MACROD1: variants seen among roughly 807,000 people sequenced by gnomAD.
The protein encoded by MACROD1 is ADP-ribose glycohydrolase MACROD1.
MACROD1 carries 31 observed loss-of-function variants against 41.4 expected under a neutral mutation model. That is an observed-to-expected ratio of 0.75 (90% CI 0.56 to 1.01). The LOEUF (loss-of-function observed/expected upper bound fraction) is 1.01. Among genes scored for constraint, MACROD1 ranks in the 50% least tolerant of loss-of-function variants. The probability of loss-of-function intolerance (pLI) is 0.00; values close to 1 mark genes in which losing one functional copy is unlikely to be tolerated. For synonymous variants in MACROD1, 252 were observed against 203.4 expected (o/e 1.24, Z -2.03); for missense variants, 473 against 460.0 (o/e 1.03, Z -0.26).
At chr11:64,101,535 C>T (rs1214296607) in intron 3 of MACROD1, among the ~76,000 whole-genome samples, 1 of 152,194 alleles carries the variant, frequency 6.6e-6, no homozygotes, top group East Asian at 1.9e-4. Flanking sequence ...CCCTGCCCCA[C>T]CCCCATCGGT....
At chr11:64,118,477 T>A (rs1052534731) in intron 3 of MACROD1, 7 of 570,202 alleles carry the variant, frequency 1.2e-5, no homozygotes, top group African/African-American at 5.6e-5. Flanking sequence ...CAATTTTTTT[T>A]AAAAGAATAG....
chr11:64,051,786 T>C (rs766627767), intron 3 of MACROD1, among the ~76,000 whole-genome samples: 7 of 152,074 alleles, frequency 4.6e-5, no homozygotes, highest in Admixed American at 1.3e-4. Flanking sequence ...AGGGTGCCCA[T>C]TGCCCATGGC....
chr11:64,132,532 G>A (rs571086221), intron 3 of MACROD1, among the ~76,000 whole-genome samples: 1 of 152,172 alleles, frequency 6.6e-6, no homozygotes, highest in Non-Finnish European at 1.5e-5. Context: ...GGACGGGCGG[G>A]TCCTGAGCAG....
chr11:64,034,532 T>G (rs961987437), intron 3 of MACROD1, among the ~76,000 whole-genome samples: 1 of 152,074 alleles, frequency 6.6e-6, no homozygotes, highest in Non-Finnish European at 1.5e-5. Flanking sequence ...GACAGGCGCA[T>G]GCAGAGCGCA....
intron 2 of MACROD1, 107 bp from the exon 3 acceptor site, chr11:64,151,462 C>A: frequency 1.3e-6 from 1 of 754,020 alleles, no homozygotes; most frequent in Non-Finnish European, 2.3e-6. Context: ...CCTCCACCTC[C>A]AGGGGCAGCC....
intron 3 of MACROD1, among the ~76,000 whole-genome samples, chr11:64,080,397 C>T (rs996370078): frequency 6.6e-6 from 1 of 152,196 alleles, no homozygotes; most frequent in African/African-American, 2.4e-5. Context: ...ACCCCTTCAA[C>T]GTGTAGAATT....
chr11:64,031,449 A>AGCCTGCCT (rs72360895), intron 3 of MACROD1, among the ~76,000 whole-genome samples: 210 of 143,976 alleles, frequency 1.5e-3, no homozygotes, highest in African/African-American at 4.8e-3. Flanking sequence ...AAGCTGCTGG[A>AGCCTGCCT]GCCTGCCTGC....
chr11:64,000,820 C>T (rs1225620231), intron 4 of MACROD1, among the ~76,000 whole-genome samples: 2 of 152,088 alleles, frequency 1.3e-5, no homozygotes, highest in Non-Finnish European at 2.9e-5. Context: ...GCCCACCTCC[C>T]CAGGCGGCGC....
chr11:64,125,495 C>G (rs1313422136), intron 3 of MACROD1, among the ~76,000 whole-genome samples: 2 of 152,228 alleles, frequency 1.3e-5, no homozygotes, highest in Non-Finnish European at 2.9e-5. Flanking sequence ...CAGTTGCCAT[C>G]TGCCCACTCA....
intron 3 of MACROD1, among the ~76,000 whole-genome samples, chr11:64,098,855 T>A (rs2134549784): frequency 6.6e-6 from 1 of 152,178 alleles, no homozygotes; most frequent in South Asian, 2.1e-4. Context: ...CCCACCTGGG[T>A]TTCTAGCAGC....
chr11:64,164,318 T>C (rs1450569702), intron 1 of MACROD1, among the ~76,000 whole-genome samples: 1 of 152,258 alleles, frequency 6.6e-6, no homozygotes, highest in Non-Finnish European at 1.5e-5. Context: ...GTCCGGTTGC[T>C]TTCCTGGCAC....
chr11:64,151,327 C>A lies in MACROD1; in HGVS notation c.429G>T (p.Arg143Ser). ...KGVAVKVEEP[R>S]YKKDKQLNEK... Reference sequence around the variant, plus strand: ...CATTGAGCTGCTTGTCCTTTTTATACCTGGGCTCCTCCACCTTCACAGCCA... The same window carrying A: ...CATTGAGCTGCTTGTCCTTTTTATAACTGGGCTCCTCCACCTTCACAGCCA... The change falls in exon 3 of 11, where the codon AGG becomes AGT. Residue 143 changes from arginine (R) to serine (S), a missense_variant. Physicochemically the swap from Arg to Ser is moderately radical, Grantham distance 110. Coordinates refer to ENST00000255681, the MANE Select transcript of MACROD1 (RefSeq NM_014067.4). 6.2e-7 allele frequency: 1 copy of A among 1,613,812 alleles called. No individual in the cohort carries two copies. Among genetic ancestry groups the A allele is most frequent in the Non-Finnish European group, 8.5e-7 (1 of 1,179,990 alleles).
intron 1 of MACROD1, among the ~76,000 whole-genome samples, chr11:64,158,663 C>T (rs1389643515): frequency 6.6e-6 from 1 of 152,188 alleles, no homozygotes; most frequent in Non-Finnish European, 1.5e-5. Context: ...CCACATCTGA[C>T]AACAATGTCC....
intron 3 of MACROD1, among the ~76,000 whole-genome samples, chr11:64,094,448 C>G (rs986411728): frequency 6.8e-6 from 1 of 147,992 alleles, no homozygotes; most frequent in African/African-American, 2.4e-5. Flanking sequence ...AAAAAAAATC[C>G]CAAAAAACAA....
rs1279972577 is a variant in MACROD1, at chr11:64,116,205, T to C, written c.517+35034A>G. ...CGCCTCCCTCTCACTGCCCCTGTCC[T>C]GTGCTCCTTGCAGGTATTCAGGCTC... is the stretch of plus-strand genomic sequence containing the variant. On this transcript the variant is annotated intron_variant, in intron 3 of 10. Coordinates refer to ENST00000255681, the MANE Select transcript of MACROD1 (RefSeq NM_014067.4). 12 of 1,547,462 alleles carry C rather than the reference T, an allele frequency of 7.8e-6. No homozygotes were observed. In the African/African-American group the frequency reaches 1.6e-4, roughly 21 times the overall value.
intron 1 of MACROD1, 96 bp downstream of exon 1, chr11:64,165,601 G>A (rs1945827984): frequency 4.4e-6 from 5 of 1,140,742 alleles, no homozygotes; most frequent in Non-Finnish European, 5.8e-6. Context: ...CAGGTCTCTC[G>A]GGTGGAAGGG....
Position 64,000,334 on chromosome 11 carries a change from C to A in MACROD1, c.557G>T (p.Cys186Phe). The A allele has an allele frequency of 6.3e-7, 1 of 1,577,302 alleles. No homozygotes were observed. Among genetic ancestry groups the A allele is most frequent in the Non-Finnish European group, 8.6e-7 (1 of 1,163,232 alleles). ...SLLGGGGVDG[C>F]IHRAAGPLLT... ...CAGGGGGCCGGCGGCCCGATGAATG[C>A]AGCCGTCCACTGCGGGAAGGGCGGG... The change falls in exon 5 of 11, where the codon TGC (cysteine) becomes TTC (phenylalanine). Residue 186 changes from cysteine to phenylalanine, a missense_variant. By Grantham distance (205) the Cys-to-Phe change is radical. Transcript: ENST00000255681.
At chr11:64,144,477 G>A (rs1343714193) in intron 3 of MACROD1, among the ~76,000 whole-genome samples, 1 of 152,342 alleles carries the variant, frequency 6.6e-6, no homozygotes, top group Non-Finnish European at 1.5e-5. Flanking sequence ...TGCCGAGGTG[G>A]GGCTTGTTAT....
chr11:64,098,021 C>A (rs1272075736), intron 3 of MACROD1, among the ~76,000 whole-genome samples: 1 of 152,176 alleles, frequency 6.6e-6, no homozygotes, highest in African/African-American at 2.4e-5. Flanking sequence ...TCCCTTCAAC[C>A]CCTCACTGTA....
Sources: allele counts gnomAD v4.1 joint callset (sites outside exome capture counted in the v4.1 genomes callset), GRCh38; gene constraint gnomAD v4.1.1; transcripts MANE v1.5; gene names NCBI Gene and HGNC (gene_info 2026-07-23, HGNC 2026-07-21).